Variants in NACC1 observed in about 807,000 individuals in gnomAD.
NACC1 encodes nucleus accumbens-associated protein 1.
Under a neutral mutation model 41.7 loss-of-function variants are expected in NACC1, and 6 were observed. That is an observed-to-expected ratio of 0.14 (90% CI 0.08 to 0.28). The LOEUF is 0.28. NACC1 is among the 10% of genes least tolerant of loss of function. NACC1 has a pLI of 1.00. For synonymous variants in NACC1, 338 were observed against 330.6 expected (o/e 1.02, Z -0.24); for missense variants, 434 against 763.7 (o/e 0.57, Z 5.09).
Position 13,137,449 on chromosome 19 carries a change from C to T in NACC1, c.1227-29C>T. The T allele has an allele frequency of 1.2e-6, 2 of 1,610,438 alleles. No individual in the cohort carries two copies. The highest frequency in any genetic ancestry group is 8.5e-7 in the Non-Finnish European group (1 of 1,178,432). On this transcript the variant is annotated intron_variant, in intron 4 of 5. Coordinates refer to ENST00000292431, the MANE Select transcript of NACC1 (RefSeq NM_052876.4). This position sits in a 1 kb window ranked among gnomAD's most constrained non-coding sequence, Gnocchi z 6.1. Reference sequence around the variant, plus strand: ...GTCCCCCCCACCACCAACTTGAGCGCTGACTCCCTCCATGTCCCCTGCCCC... The same window carrying T: ...GTCCCCCCCACCACCAACTTGAGCGTTGACTCCCTCCATGTCCCCTGCCCC...
chr19:13,123,706 G>T (rs2019528161), intron 1 of NACC1, among the ~76,000 whole-genome samples: 1 of 152,206 alleles, frequency 6.6e-6, no homozygotes, highest in Admixed American at 6.5e-5. Flanking sequence ...GGCTCGGCCG[G>T]TCCGGGGTTC....
At chr19:13,127,472 C>G (rs1308678944) in intron 1 of NACC1, among the ~76,000 whole-genome samples, 1 of 128,180 alleles carries the variant, frequency 7.8e-6, no homozygotes, top group Admixed American at 9.5e-5. Context: ...GGGCGGATCA[C>G]TTGAGGTCAG....
intron 1 of NACC1, among the ~76,000 whole-genome samples, chr19:13,122,576 C>T (rs982592828): frequency 2.1e-5 from 3 of 141,944 alleles, no homozygotes; most frequent in East Asian, 2.1e-4. Flanking sequence ...GCCAGGGATG[C>T]GGTTCAACAT....
chr19:13,117,584 C>T (rs561944350), upstream of NACC1: 1 of 136,758 alleles, frequency 7.3e-6, no homozygotes, highest in Non-Finnish European at 1.5e-5. Flanking sequence ...TTTTTTGAGA[C>T]GGAGTCTCGC....
intron 1 of NACC1, among the ~76,000 whole-genome samples, chr19:13,128,839 G>A (rs1297329701): frequency 6.6e-6 from 1 of 152,208 alleles, no homozygotes; most frequent in Non-Finnish European, 1.5e-5. Context: ...GTGCCCTTGG[G>A]TCTCACCAGA....
intron 1 of NACC1, chr19:13,131,729 G>A (rs1056341606): frequency 6.6e-6 from 1 of 152,264 alleles, no homozygotes; most frequent in South Asian, 2.1e-4. Context: ...AGGGGAAGAG[G>A]AAGGAAGATA....
In NACC1 at chr19:13,137,210, A is replaced by G; in HGVS notation, c.1121-61A>G. On this transcript the variant is annotated intron_variant, in intron 3 of 5. Coordinates refer to ENST00000292431, the MANE Select transcript of NACC1 (RefSeq NM_052876.4). This position sits in a 1 kb window ranked among gnomAD's most constrained non-coding sequence, Gnocchi z 6.1. ...GGGGTGTTCTGAGATGAGGCCTGGT[A>G]TCATGGGGGCTGTGGCGGTTTGGGG... 6.6e-7 allele frequency: 1 copy of G among 1,517,030 alleles called. No individual in the cohort carries two copies. The highest frequency in any genetic ancestry group is 9.1e-7 in the Non-Finnish European group (1 of 1,094,610). The allele number at this position is 1,517,030 out of a possible 1,614,324, so 94.0% of individuals were successfully genotyped here.
Position 13,130,535 on chromosome 19 carries a change from CTTTTTTTTTTTT to C in NACC1, c.-8-4658_-8-4647del, listed in dbSNP as rs34032574. ...TGTACATACACCTCTTTTTTCTTTT[CTTTTTTTTTTTT>C]TTTTTTGAGATGGAGTATCACTCTG... On this transcript the variant is annotated intron_variant, in intron 1 of 5. Transcript: ENST00000292431. Among the ~76,000 whole-genome samples, 44 of 128,602 alleles carry C rather than the reference CTTTTTTTTTTTT, an allele frequency of 3.4e-4. No homozygotes were observed. The East Asian group carries it at 8.2e-3, about 24-fold the overall frequency. 84.4% of individuals were successfully genotyped at this position (128,602 alleles called of 152,430 possible). A position where few individuals can be genotyped will look rare whatever the true frequency, so the allele number is the denominator to read the frequency against.
intron 1 of NACC1, among the ~76,000 whole-genome samples, chr19:13,131,218 C>G (rs558134571): frequency 6.6e-6 from 1 of 152,336 alleles, no homozygotes; most frequent in East Asian, 1.9e-4. Flanking sequence ...TGCAGTTCAT[C>G]AGGATGGGTT....
chr19:13,134,100 G>C (rs960991194), intron 1 of NACC1, among the ~76,000 whole-genome samples: 5 of 152,172 alleles, frequency 3.3e-5, no homozygotes, highest in African/African-American at 1.2e-4. Context: ...CTGTATCCCA[G>C]GCTGGAGTAT....
chr19:13,120,481 T>C (rs1225721199), intron 1 of NACC1, among the ~76,000 whole-genome samples: 2 of 152,158 alleles, frequency 1.3e-5, no homozygotes, highest in Non-Finnish European at 2.9e-5. Flanking sequence ...AGTTCTGGGT[T>C]TAATGATGGG....
intron 1 of NACC1, among the ~76,000 whole-genome samples, chr19:13,130,645 C>T (rs1316016871): frequency 5.3e-5 from 8 of 150,840 alleles, no homozygotes; most frequent in African/African-American, 1.7e-4. Context: ...AAGTGATTCT[C>T]GTGCCTCAGC....
rs773365264 is a variant in NACC1, at chr19:13,135,382, T to C, written c.175T>C (p.Phe59Leu). ...AASSSYFRDL[F>L]NNSRSAVVEL... is the part of the protein sequence containing the mutation. ...CAGCAGCTCCTACTTCCGGGACCTG[T>C]TCAACAACAGCCGCAGCGCCGTGGT... is the stretch of plus-strand genomic sequence containing the variant. Residue 59 changes from phenylalanine (F) to leucine (L), a missense_variant, in exon 2 of 6, where the codon TTC becomes CTC. Physicochemically the swap from Phe to Leu is conservative, Grantham distance 22. Around this residue, in one of 4 missense-constraint regions of NACC1, gnomAD observed 67 missense variants for 180.1 expected, o/e 0.37. Transcript: ENST00000292431. 6.2e-7 allele frequency: 1 copy of C among 1,613,628 alleles called. No individual in the cohort carries two copies. The highest frequency in any genetic ancestry group is 1.1e-5 in the South Asian group (1 of 91,084).
chr19:13,136,251 C>T lies in NACC1; in HGVS notation c.966C>T (p.Leu322=), dbSNP rs1466807030. The T allele has an allele frequency of 1.2e-6, 2 of 1,613,286 alleles. No homozygotes were observed. Among genetic ancestry groups the T allele is most frequent in the African/African-American group, 1.3e-5 (1 of 74,912 alleles). ...CTGCAGCCGAGAAGGTGGAGGCCCT[C>T]CCGGAGCAGGTAGCCCCCGAGTCCC... ...VGQTAEKVEA[L]PEQVAPESRN... Residue 322 remains leucine, a synonymous_variant, in exon 3 of 6, where the codon CTC becomes CTT. Transcript: ENST00000292431. This position sits in a 1 kb window ranked among gnomAD's most constrained non-coding sequence, Gnocchi z 5.5.
chr19:13,127,913 C>T (rs926977237), intron 1 of NACC1, among the ~76,000 whole-genome samples: 2 of 152,096 alleles, frequency 1.3e-5, no homozygotes, highest in African/African-American at 4.8e-5. Context: ...ATGGCTGTCC[C>T]ATTCCCATTC....
At chr19:13,122,536 G>A (rs1034461019) in intron 1 of NACC1, among the ~76,000 whole-genome samples, 2 of 122,984 alleles carry the variant, frequency 1.6e-5, no homozygotes, top group Non-Finnish European at 3.5e-5. Context: ...GGGGGGGGGG[G>A]TGTGCTGCTG....
chr19:13,119,402 G>A (rs2019459867), intron 1 of NACC1, among the ~76,000 whole-genome samples: 1 of 152,166 alleles, frequency 6.6e-6, no homozygotes, highest in South Asian at 2.1e-4. Flanking sequence ...GGAACACCTA[G>A]CTTAGGCATC....
In NACC1 at chr19:13,138,450, C is replaced by A. The variant is rs1448958538; in HGVS notation, c.*44C>A. ...GGGCCACACACTTCCCCTCCCAACA[C>A]ACACACACACCTGCCATCTTGGTCA... On this transcript the variant is annotated 3_prime_UTR_variant, in exon 6 of 6. Coordinates refer to ENST00000292431, the MANE Select transcript of NACC1 (RefSeq NM_052876.4). This position sits in a 1 kb window ranked among gnomAD's most constrained non-coding sequence, Gnocchi z 5.7. 1 of 1,586,202 alleles carries A rather than the reference C, an allele frequency of 6.3e-7. No homozygotes were observed. Among genetic ancestry groups the A allele is most frequent in the Non-Finnish European group, 8.6e-7 (1 of 1,168,908 alleles).
chr19:13,137,106 G>A lies in NACC1; in HGVS notation c.1121-165G>A, dbSNP rs944080707. On this transcript the variant is annotated intron_variant, in intron 3 of 5. Transcript: ENST00000292431. This position sits in a 1 kb window ranked among gnomAD's most constrained non-coding sequence, Gnocchi z 6.1. The stretch of plus-strand genomic sequence containing the variant: ...GAGCCCCAAGGAGCCTCCCCTGACT[G>A]CCCTTGGTGGGTAGAGATGTAGGGG... Among the ~76,000 whole-genome samples the A allele has an allele frequency of 5.9e-5, 9 of 152,210 alleles. No homozygotes were observed. Among genetic ancestry groups the A allele is most frequent in the Non-Finnish European group, 1.3e-4 (9 of 68,036 alleles).
Sources: gnomAD v4.1 joint callset for allele counts (sites outside exome capture counted in the v4.1 genomes callset) on GRCh38, gnomAD v4.1.1 for gene constraint, gnomAD v4.1.1 regional missense constraint, Gnocchi (gnomAD v3.1) non-coding constraint, MANE v1.5 for transcripts, NCBI Gene and HGNC (gene_info 2026-07-23, HGNC 2026-07-21) for gene names.